The following PDE3B variants were observed in gnomAD, a reference collection of about 807,000 sequenced individuals.
PDE3B encodes the protein cGMP-inhibited 3',5'-cyclic phosphodiesterase 3B.
Under a neutral mutation model 116.8 loss-of-function variants are expected in PDE3B, and 66 were observed. The observed-to-expected ratio is 0.56, with a 90% CI of 0.46 to 0.69. The LOEUF (loss-of-function observed/expected upper bound fraction) is 0.69, where lower values mean the gene tolerates loss of function less well. Among genes scored for constraint, PDE3B ranks in the 30% least tolerant of loss-of-function variants. PDE3B has a pLI of 0.00. For synonymous variants in PDE3B, 595 were observed against 533.6 expected, an observed-to-expected ratio of 1.12 and a Z score of -1.59; for missense variants, 1,384 against 1,368.1, an observed-to-expected ratio of 1.01 and a Z score of -0.18.
At chr11:14,879,995 T>C in the PDE3B span, 18 of 820,812 alleles carry the variant, frequency 2.2e-5, no homozygotes, top group Non-Finnish European at 3.1e-5. Flanking sequence ...AAACTCTTTT[T>C]TGTAACTATT....
In PDE3B at chr11:14,772,221, G is replaced by T. The variant is rs545809950; in HGVS notation, c.1029+234G>T. Reference sequence around the variant, plus strand: ...GATAAAAACAAAATTTATATAAATTGTTATGAAAAATATTGCTAATATAAT... The same window carrying T: ...GATAAAAACAAAATTTATATAAATTTTTATGAAAAATATTGCTAATATAAT... On this transcript the variant is annotated intron_variant, in intron 2 of 15. Coordinates refer to ENST00000282096, the MANE Select transcript of PDE3B (RefSeq NM_000922.4). 222 of 232,422 alleles carry T rather than the reference G, an allele frequency of 9.6e-4. 1 individual carries two copies. The highest frequency in any genetic ancestry group is 4.8e-3 in the African/African-American group (210 of 44,032). The allele number at this position is 232,422 out of a possible 1,614,324, so 14.4% of individuals were successfully genotyped here.
In PDE3B at chr11:14,652,764, T is replaced by C. The variant is rs186874984; in HGVS notation, c.978+7711T>C. Among the ~76,000 whole-genome samples, 27 of 152,330 alleles carry C rather than the reference T, an allele frequency of 1.8e-4. No individual in the cohort carries two copies. In the East Asian group the frequency reaches 4.8e-3, roughly 27 times the overall value. On this transcript the variant is annotated intron_variant, in intron 1 of 15. Transcript: ENST00000282096. ...ATTTGAGGACTTTAGATACCTCATA[T>C]AAGTGGAATCATACAGTATTTTTTT...
At chr11:14,783,742 C>A (rs898965541) in intron 2 of PDE3B, among the ~76,000 whole-genome samples, 3 of 151,552 alleles carry the variant, frequency 2.0e-5, no homozygotes, top group South Asian at 2.1e-4. Flanking sequence ...GCACATGTAC[C>A]CTAGAACACA....
At chr11:14,721,717 T>C (rs1391819321) in intron 1 of PDE3B, among the ~76,000 whole-genome samples, 1 of 80,736 alleles carries the variant, frequency 1.2e-5, no homozygotes, top group South Asian at 5.1e-4. Flanking sequence ...AGGTGGGAAT[T>C]GAACAATGAG....
At chr11:14,851,982 G>T (rs1003011362) in intron 12 of PDE3B, among the ~76,000 whole-genome samples, 5 of 152,178 alleles carry the variant, frequency 3.3e-5, no homozygotes, top group Non-Finnish European at 7.3e-5. Context: ...TGTTTCTGAT[G>T]GCATGAGAAG....
chr11:14,726,639 A>G (rs1856313588), intron 1 of PDE3B, among the ~76,000 whole-genome samples: 1 of 152,238 alleles, frequency 6.6e-6, no homozygotes, highest in Non-Finnish European at 1.5e-5. Context: ...GAGGAAAACC[A>G]GGAGAGACAT....
At chr11:14,726,304 C>A (rs1008816272) in intron 1 of PDE3B, among the ~76,000 whole-genome samples, 1 of 151,928 alleles carries the variant, frequency 6.6e-6, no homozygotes, top group Non-Finnish European at 1.5e-5. Flanking sequence ...TTTTTTCTTT[C>A]CCTCTAGAAT....
intron 7 of PDE3B, among the ~76,000 whole-genome samples, chr11:14,827,184 C>T (rs181014053): frequency 5.8e-4 from 88 of 152,176 alleles, no homozygotes; most frequent in African/African-American, 2.0e-3. Context: ...TAATAAGAAC[C>T]ATCTAGGAGA....
rs929407135 is a variant in PDE3B, at chr11:14,843,939, G to C, written c.2433G>C (p.Leu811Phe). 6.2e-7 allele frequency: 1 copy of C among 1,614,084 alleles called. No homozygotes were observed. Among genetic ancestry groups the C allele is most frequent in the Non-Finnish European group, 8.5e-7 (1 of 1,179,970 alleles). The change falls in exon 12 of 16, where the codon TTG becomes TTC. Residue 811 changes from leucine to phenylalanine, a missense_variant. Transcript: ENST00000282096. ...CLSSNIPALE[L>F]MALYVAAAMH... Reference sequence around the variant, plus strand: ...CTTCAAACATTCCTGCATTAGAATTGATGGCTCTATACGTGGCAGCTGCCA... The same window carrying C: ...CTTCAAACATTCCTGCATTAGAATTCATGGCTCTATACGTGGCAGCTGCCA...
At chr11:14,699,588 A>G (rs1204357585) in intron 1 of PDE3B, among the ~76,000 whole-genome samples, 1 of 151,662 alleles carries the variant, frequency 6.6e-6, no homozygotes, top group South Asian at 2.1e-4. Context: ...TTTTTCTTGA[A>G]GATTTTATTG....
At chr11:14,735,549 G>GAAAACACCTCATTGGCACTATGTAA (rs1856573279) in intron 1 of PDE3B, among the ~76,000 whole-genome samples, 1 of 152,084 alleles carries the variant, frequency 6.6e-6, no homozygotes, top group African/African-American at 2.4e-5. Flanking sequence ...GCACTATGTA[G>GAAAACACCTCATTGGCACTATGTAA]AAGAAATGGG....
chr11:14,657,588 A>C (rs935030991), intron 1 of PDE3B, among the ~76,000 whole-genome samples: 31 of 152,178 alleles, frequency 2.0e-4, no homozygotes, highest in African/African-American at 7.5e-4. Context: ...TCATTATGTA[A>C]GTCATTTTTT....
chr11:14,898,932 A>G, the PDE3B span, among the ~76,000 whole-genome samples: 1 of 152,038 alleles, frequency 6.6e-6, no homozygotes, highest in Non-Finnish European at 1.5e-5. Context: ...CTTTGTGGTA[A>G]TGATTGCTTA....
the PDE3B span, chr11:14,890,346 G>T: frequency 8.1e-6 from 3 of 371,872 alleles, no homozygotes; most frequent in Non-Finnish European, 1.1e-5. Context: ...CCAAAGAGAT[G>T]AAATATATTA....
At chr11:14,809,838 C>T (rs960146343) in intron 5 of PDE3B, among the ~76,000 whole-genome samples, 4 of 152,034 alleles carry the variant, frequency 2.6e-5, no homozygotes, top group Non-Finnish European at 2.9e-5. Flanking sequence ...TTCCCAGCCT[C>T]CAAAAACTGT....
chr11:14,742,620 C>A (rs1185591596), intron 1 of PDE3B, among the ~76,000 whole-genome samples: 4 of 152,124 alleles, frequency 2.6e-5, no homozygotes, highest in Non-Finnish European at 5.9e-5. Flanking sequence ...ATTTTGTTCC[C>A]TTGCTGGTGA....
intron 1 of PDE3B, among the ~76,000 whole-genome samples, chr11:14,688,136 T>TCTCTCC (rs1554981845): frequency 7.3e-6 from 1 of 136,864 alleles, no homozygotes; most frequent in Non-Finnish European, 1.6e-5. Context: ...TCTCTCTCTC[T>TCTCTCC]CTCTCTCCCT....
intron 1 of PDE3B, among the ~76,000 whole-genome samples, chr11:14,649,415 G>A (rs1853501403): frequency 6.6e-6 from 1 of 152,198 alleles, no homozygotes; most frequent in South Asian, 2.1e-4. Context: ...GAACTCCAGA[G>A]AGATAAAAAT....
intron 4 of PDE3B, among the ~76,000 whole-genome samples, chr11:14,796,875 G>T (rs1245230352): frequency 1.3e-5 from 2 of 151,758 alleles, no homozygotes; most frequent in East Asian, 1.9e-4. Flanking sequence ...TAATTAGATC[G>T]CATTGGTCAA....
Sources: allele counts gnomAD v4.1 joint callset (sites outside exome capture counted in the v4.1 genomes callset), GRCh38; gene constraint gnomAD v4.1.1; transcripts MANE v1.5; gene names NCBI Gene and HGNC (gene_info 2026-07-23, HGNC 2026-07-21).